Variants in PRKDC observed in about 807,000 individuals in gnomAD.
PRKDC encodes the protein protein kinase, DNA-activated, catalytic subunit.
A neutral mutation model predicts 486.9 loss-of-function variants in PRKDC; 82 were observed. The observed-to-expected ratio is 0.17, with a 90% CI of 0.14 to 0.20. PRKDC has a LOEUF of 0.20. Among genes scored for constraint, PRKDC ranks in the 10% least tolerant of loss-of-function variants. The pLI is 1.00. For missense variants in PRKDC, 4,504 were observed against 5,038.2 expected (o/e 0.89, Z 3.21); for synonymous variants, 1,895 against 1,837.0 (o/e 1.03, Z -0.81).
At chr8:47,908,629 T>C (rs1016178989) in intron 25 of PRKDC, among the ~76,000 whole-genome samples, 2 of 152,200 alleles carry the variant, frequency 1.3e-5, no homozygotes, top group Non-Finnish European at 2.9e-5. Flanking sequence ...TCTATGCACA[T>C]GTCAAGATGT....
chr8:47,955,845 A>G (rs766393337), intron 4 of PRKDC, 29 bp downstream of exon 4: 3 of 1,502,628 alleles, frequency 2.0e-6, no homozygotes, highest in Non-Finnish European at 2.7e-6. Flanking sequence ...TGTTTAATGT[A>G]AAATACGTGT....
At position 47,904,874 on chromosome 8, in the gene PRKDC, T is replaced by C. The variant is rs778889493; in HGVS notation, c.3037A>G (p.Ile1013Val). Residue 1013 changes from isoleucine (I) to valine (V), a missense_variant, in exon 26 of 86, where the codon ATA (isoleucine) becomes GTA (valine). By Grantham distance (29) the Ile-to-Val change is conservative. Around this residue, in one of 6 missense-constraint regions of PRKDC, gnomAD observed 1,969 missense variants for 2,068.9 expected, o/e 0.95. Coordinates refer to ENST00000314191, the MANE Select transcript of PRKDC (RefSeq NM_006904.7). ...SQDTVALLEAILDGIVDPVDS... is the reference protein window; with the variant it reads ...SQDTVALLEAVLDGIVDPVDS... ...AAGAATCAACTATTACTTACCAATA[T>C]AGCTTCTAGTAAGGCAACAGTATCC... 3.3e-5 allele frequency: 53 copies of C among 1,586,242 alleles called. No individual in the cohort carries two copies. The highest frequency in any genetic ancestry group is 4.2e-5 in the Non-Finnish European group (48 of 1,156,334).
At chr8:47,786,453 T>C (rs1394001252) in intron 76 of PRKDC, among the ~76,000 whole-genome samples, 2 of 152,096 alleles carry the variant, frequency 1.3e-5, no homozygotes, top group Non-Finnish European at 2.9e-5. Context: ...GACTTTTAGT[T>C]ATAAATCCTA....
chr8:47,821,223 T>A (rs903168529), intron 65 of PRKDC, among the ~76,000 whole-genome samples: 2 of 152,156 alleles, frequency 1.3e-5, no homozygotes, highest in African/African-American at 2.4e-5. Context: ...AACTGAGGAA[T>A]TTACAAGCAC....
Position 47,858,530 on chromosome 8 carries a change from T to C in PRKDC, c.6451A>G (p.Ile2151Val), listed in dbSNP as rs1419186760. Residue 2151 changes from isoleucine (I) to valine (V), a missense_variant, in exon 48 of 86, where the codon ATT (isoleucine) becomes GTT (valine). Transcript: ENST00000314191. ...CAATTACTTACCTCTTCTGTATTAATAACAAGCTTGGCTAAGAAGAGACGG... is the reference window on the plus strand; with the variant it reads ...CAATTACTTACCTCTTCTGTATTAACAACAAGCTTGGCTAAGAAGAGACGG... The part of the protein sequence containing the change: ...NIRLFLAKLV[I>V]NTEEVFRPYA... The C allele has an allele frequency of 1.3e-6, 2 of 1,514,888 alleles. No homozygotes were observed. The highest frequency in any genetic ancestry group is 2.3e-5 in the East Asian group (1 of 43,008). The allele number at this position is 1,514,888 out of a possible 1,614,324, so 93.8% of individuals were successfully genotyped here. A position where few individuals can be genotyped will look rare whatever the true frequency, so the allele number is the denominator to read the frequency against.
Position 47,858,864 on chromosome 8 carries a change from C to A in PRKDC, c.6330G>T (p.Pro2110=), listed in dbSNP as rs748977028. 1.2e-6 allele frequency: 2 copies of A among 1,613,266 alleles called. No homozygotes were observed. Among genetic ancestry groups the A allele is most frequent in the East Asian group, 4.5e-5 (2 of 44,864 alleles). ...GGAAAAGCACCTCTTCTCCTTGAGG[C>A]GGGCCCAGGCTTCTGTGCATGTGCT... ...LVKHMHRSLG[P]PQGEEDSVPR... The change falls in exon 47 of 86, where the codon CCG becomes CCT. Residue 2110 remains proline, a synonymous_variant. Transcript: ENST00000314191.
rs1176787363 is a variant in PRKDC, at chr8:47,944,233, T to C, written c.722-204A>G. Among the ~76,000 whole-genome samples, 6 of 152,140 alleles carry C rather than the reference T, an allele frequency of 3.9e-5. No individual in the cohort carries two copies. The South Asian group carries it at 1.0e-3, about 26-fold the overall frequency. On this transcript the variant is annotated intron_variant, in intron 7 of 85. Transcript: ENST00000314191. ...GAGAAAACAGAAAGAAAATCTGGAA[T>C]AACAAAGACATGGTTTAAGCACCAA...
rs147514951 is a variant in PRKDC, at chr8:47,840,065, A to G, written c.7405T>C (p.Cys2469Arg). Residue 2469 changes from cysteine to arginine, a missense_variant, in exon 55 of 86, where the codon TGT (cysteine) becomes CGT (arginine). By Grantham distance (180) the Cys-to-Arg change is radical. Transcript: ENST00000314191. ...VEFVSHPSTT[C>R]REQMYNILMW... ...AGAATATTATACATTTGTTCCCTAC[A>G]TGTTGTAGAAGGATGGGAAACGAAT... is the stretch of plus-strand genomic sequence containing the variant. 2.8e-4 allele frequency: 435 copies of G among 1,561,010 alleles called. 1 individual carries two copies. In the African/African-American group the frequency reaches 4.8e-3, roughly 17 times the overall value.
chr8:47,893,445 CT>C, intron 30 of PRKDC, 58 bp from the exon 31 acceptor site: 1 of 1,360,660 alleles, frequency 7.3e-7, no homozygotes, highest in Non-Finnish European at 9.5e-7. Context: ...TTAATCTAAT[CT>C]TTGTACCTAA....
At chr8:47,958,735 T>C (rs1343884754) in intron 1 of PRKDC, among the ~76,000 whole-genome samples, 1 of 150,700 alleles carries the variant, frequency 6.6e-6, no homozygotes, top group African/African-American at 2.4e-5. Flanking sequence ...GTATATAGCA[T>C]CTTTTTTTTT....
chr8:47,884,137 T>C (rs2089280907), intron 36 of PRKDC, among the ~76,000 whole-genome samples: 2 of 152,258 alleles, frequency 1.3e-5, no homozygotes, highest in African/African-American at 4.8e-5. Context: ...TATCCACATA[T>C]TCAGCCATGC....
At chr8:47,959,725 A>G (rs1436539270) in intron 1 of PRKDC, among the ~76,000 whole-genome samples, 1 of 152,060 alleles carries the variant, frequency 6.6e-6, no homozygotes, top group Non-Finnish European at 1.5e-5. Flanking sequence ...CACTCTGCAT[A>G]GCAATGATTG....
At chr8:47,785,392 G>T in intron 76 of PRKDC, 75 bp from the exon 77 acceptor site, 1 of 1,130,492 alleles carries the variant, frequency 8.8e-7, no homozygotes, top group Non-Finnish European at 1.3e-6. Context: ...GCTTATAAGT[G>T]TAATGAATGG....
intron 56 of PRKDC, 28 bp downstream of exon 56, chr8:47,839,120 A>T (rs747050907): frequency 6.5e-7 from 1 of 1,540,904 alleles, no homozygotes; most frequent in Non-Finnish European, 9.0e-7. Flanking sequence ...CTTAACATTT[A>T]ATTGTCCCAG....
chr8:47,887,771 C>A, intron 34 of PRKDC, 66 bp from the exon 35 acceptor site: 1 of 1,470,812 alleles, frequency 6.8e-7, no homozygotes, highest in South Asian at 1.4e-5. Flanking sequence ...CAACTTCACT[C>A]CTCTCATTAA....
At position 47,808,335 on chromosome 8, in the gene PRKDC, C is replaced by T. The variant is rs779383695; in HGVS notation, c.9558-1009G>A. The stretch of plus-strand genomic sequence containing the variant: ...TAAGTTTTACACTTTTTTGTAGAAA[C>T]GGAGGCTTGCTATGTTGCCAGGCTG... On this transcript the variant is annotated intron_variant, in intron 68 of 85. Transcript: ENST00000314191. 5.3e-5 allele frequency among the ~76,000 whole-genome samples: 8 copies of T among 151,806 alleles called. No homozygotes were observed. In the East Asian group the frequency reaches 1.4e-3, roughly 26 times the overall value.
chr8:47,794,416 T>C lies in PRKDC; in HGVS notation c.10544A>G (p.Gln3515Arg). ...LLDKDQAVAVQHSVEEITDNY... is the reference protein window; with the variant it reads ...LLDKDQAVAVRHSVEEITDNY... ...ATCAGTGATTTCTTCCACAGAGTGC[T>C]GAACAGCAACGGCTTGGTCTTTGTC... The change falls in exon 74 of 86, where the codon CAG (glutamine) becomes CGG (arginine). Residue 3515 changes from glutamine to arginine, a missense_variant. Physicochemically the swap from Gln to Arg is conservative, Grantham distance 43. Coordinates refer to ENST00000314191, the MANE Select transcript of PRKDC (RefSeq NM_006904.7). 1 of 1,613,838 alleles carries C rather than the reference T, an allele frequency of 6.2e-7. No homozygotes were observed. The highest frequency in any genetic ancestry group is 1.1e-5 in the South Asian group (1 of 91,084).
chr8:47,943,488 C>A, intron 9 of PRKDC, 122 bp from the exon 10 acceptor site: 1 of 1,010,068 alleles, frequency 9.9e-7, no homozygotes, highest in African/African-American at 1.6e-5. Flanking sequence ...TACCATTACA[C>A]TACAGTAACC....
intron 21 of PRKDC, among the ~76,000 whole-genome samples, chr8:47,923,279 G>C (rs1304089254): frequency 1.3e-5 from 2 of 152,020 alleles, no homozygotes; most frequent in East Asian, 3.9e-4. Context: ...TTGCCAGGCT[G>C]GTCTCAAACT....
Sources: allele counts gnomAD v4.1 joint callset (sites outside exome capture counted in the v4.1 genomes callset), GRCh38; gene constraint gnomAD v4.1.1; regional missense constraint gnomAD v4.1.1; transcripts MANE v1.5; gene names NCBI Gene and HGNC (gene_info 2026-07-23, HGNC 2026-07-21).